ZNF146: variants seen among roughly 807,000 people sequenced by gnomAD.
The protein encoded by ZNF146 is zinc finger protein OZF.
ZNF146 carries 9 observed loss-of-function variants against 22.2 expected under a neutral mutation model. That is an observed-to-expected ratio of 0.41 (90% CI 0.24 to 0.71). The LOEUF is 0.71. Among genes scored for constraint, ZNF146 ranks in the 30% least tolerant of loss-of-function variants. The probability of loss-of-function intolerance (pLI) is 0.34; values close to 1 mark genes in which losing one functional copy is unlikely to be tolerated. For missense variants in ZNF146, 194 were observed against 344.8 expected (o/e 0.56, Z 3.46); for synonymous variants, 108 against 119.2 (o/e 0.91, Z 0.61).
intron 3 of ZNF146, among the ~76,000 whole-genome samples, chr19:36,230,172 G>A (rs1977265480): frequency 6.6e-6 from 1 of 152,110 alleles, no homozygotes; most frequent in South Asian, 2.1e-4. Context: ...TGGAATACAG[G>A]GTCAAAGTTA....
intron 3 of ZNF146, among the ~76,000 whole-genome samples, chr19:36,232,422 A>G (rs147508075): frequency 6.6e-6 from 1 of 152,150 alleles, no homozygotes; most frequent in Non-Finnish European, 1.5e-5. Flanking sequence ...GGAACTTACA[A>G]GTTCTCAGCA....
At chr19:36,229,043 A>G (rs1977204160) in intron 3 of ZNF146, among the ~76,000 whole-genome samples, 1 of 152,110 alleles carries the variant, frequency 6.6e-6, no homozygotes, top group South Asian at 2.1e-4. Flanking sequence ...TGCTGTTCTG[A>G]TGTCAGCCTT....
chr19:36,222,235 T>C (rs1310016251), intron 2 of ZNF146, among the ~76,000 whole-genome samples: 2 of 152,168 alleles, frequency 1.3e-5, no homozygotes, highest in East Asian at 3.8e-4. Context: ...AGGTGTTCCT[T>C]CTTAATCATA....
At chr19:36,217,851 C>T (rs1976674558) in intron 1 of ZNF146, among the ~76,000 whole-genome samples, 1 of 150,852 alleles carries the variant, frequency 6.6e-6, no homozygotes, top group Admixed American at 6.6e-5. Flanking sequence ...CGCCATTGCA[C>T]TCCAACCTGG....
Position 36,237,536 on chromosome 19 carries a change from T to G in ZNF146, c.*217T>G. ...ACAGAGAAACCTGCAGCAGAGATAA[T>G]GGTGAAAGTTTAGGCACATTTTCAC... On this transcript the variant is annotated 3_prime_UTR_variant, in exon 4 of 4. Transcript: ENST00000443387. The G allele has an allele frequency of 2.4e-6, 1 of 421,714 alleles. No individual in the cohort carries two copies. Among genetic ancestry groups the G allele is most frequent in the Non-Finnish European group, 4.1e-6 (1 of 241,726 alleles). The allele number at this position is 421,714 out of a possible 1,614,324, so 26.1% of individuals were successfully genotyped here.
Position 36,238,439 on chromosome 19 carries a change from T to G in ZNF146, c.*1120T>G, listed in dbSNP as rs1412187141. 1 of 167,112 alleles carries G rather than the reference T, an allele frequency of 6.0e-6. No homozygotes were observed. The highest frequency in any genetic ancestry group is 1.5e-5 in the Non-Finnish European group (1 of 68,124). 10.4% of individuals were successfully genotyped at this position (167,112 alleles called of 1,614,324 possible). On this transcript the variant is annotated 3_prime_UTR_variant, in exon 4 of 4. Coordinates refer to ENST00000443387, the MANE Select transcript of ZNF146 (RefSeq NM_007145.3). ...GGGATGGGTATTGGTTAAAGGGGAC[T>G]TCAGCTTTTTATATAAACATCCACT...
chr19:36,235,077 T>C (rs903447353), intron 3 of ZNF146, among the ~76,000 whole-genome samples: 1 of 152,034 alleles, frequency 6.6e-6, no homozygotes, highest in Non-Finnish European at 1.5e-5. Context: ...GGTATGGTGG[T>C]GCACACCTGT....
Position 36,236,541 on chromosome 19 carries a change from A to G in ZNF146, c.101A>G (p.His34Arg). 6.2e-7 allele frequency: 1 copy of G among 1,614,228 alleles called. No homozygotes were observed. Among genetic ancestry groups the G allele is most frequent in the Non-Finnish European group, 8.5e-7 (1 of 1,180,022 alleles). ...VFSHKSNLTE[H>R]EHFHTREKPF... The stretch of plus-strand genomic sequence containing the variant: ...AGCCACAAATCAAACCTCACTGAGC[A>G]TGAGCATTTTCACACGAGAGAGAAA... Residue 34 changes from histidine to arginine, a missense_variant, in exon 4 of 4, where the codon CAT (histidine) becomes CGT (arginine). Physicochemically the swap from His to Arg is conservative, Grantham distance 29. This residue lies in a region of ZNF146 where 47 missense variants were observed against 44.7 expected (regional missense o/e 1.05). Transcript: ENST00000443387.
chr19:36,238,508 G>A lies in ZNF146; in HGVS notation c.*1189G>A, dbSNP rs1977729093. 1 of 166,954 alleles carries A rather than the reference G, an allele frequency of 6.0e-6. No individual in the cohort carries two copies. Among genetic ancestry groups the A allele is most frequent in the South Asian group, 2.1e-4 (1 of 4,826 alleles). The allele number at this position is 166,954 out of a possible 1,614,324, so 10.3% of individuals were successfully genotyped here. A position where few individuals can be genotyped will look rare whatever the true frequency, so the allele number is the denominator to read the frequency against. Reference sequence around the variant, plus strand: ...AAGTAAATATAAGAAGATACTGATTGATTCTGGATTGTGGTATAGGGATAT... The same window carrying A: ...AAGTAAATATAAGAAGATACTGATTAATTCTGGATTGTGGTATAGGGATAT... On this transcript the variant is annotated 3_prime_UTR_variant, in exon 4 of 4. Transcript: ENST00000443387.
intron 2 of ZNF146, among the ~76,000 whole-genome samples, chr19:36,222,173 C>G (rs1344088170): frequency 6.6e-6 from 1 of 152,182 alleles, no homozygotes. Context: ...GTCCTCCTCT[C>G]TTGGCTTCCC....
intron 2 of ZNF146, among the ~76,000 whole-genome samples, chr19:36,225,349 T>C (rs1478417842): frequency 2.0e-5 from 3 of 152,244 alleles, no homozygotes; most frequent in African/African-American, 7.2e-5. Flanking sequence ...CCTATTCTTC[T>C]GTTTTCTGTC....
At chr19:36,223,782 T>C (rs1333787722) in intron 2 of ZNF146, among the ~76,000 whole-genome samples, 1 of 151,890 alleles carries the variant, frequency 6.6e-6, no homozygotes, top group East Asian at 1.9e-4. Flanking sequence ...GATCTTGATC[T>C]GTCACCCAGG....
At chr19:36,233,011 T>A (rs1599990793) in intron 3 of ZNF146, among the ~76,000 whole-genome samples, 1 of 152,252 alleles carries the variant, frequency 6.6e-6, no homozygotes, top group East Asian at 1.9e-4. Flanking sequence ...TGTATGTCCG[T>A]ATCCATGTGT....
intron 2 of ZNF146, among the ~76,000 whole-genome samples, chr19:36,224,882 T>C (rs2145419076): frequency 6.6e-6 from 1 of 152,310 alleles, no homozygotes; most frequent in African/African-American, 2.4e-5. Flanking sequence ...CTAAGTTTAT[T>C]TCTGGATGTT....
At chr19:36,222,778 CTTTT>C (rs55668684) in intron 2 of ZNF146, among the ~76,000 whole-genome samples, 1,067 of 100,874 alleles carry the variant, frequency 0.011, 17 homozygotes, top group African/African-American at 0.032. Flanking sequence ...TGAGTGGTGG[CTTTT>C]TTTTTTTTTT....
intron 2 of ZNF146, among the ~76,000 whole-genome samples, chr19:36,225,798 T>TC: frequency 7.2e-6 from 1 of 138,604 alleles, no homozygotes; most frequent in Non-Finnish European, 1.5e-5. Flanking sequence ...TCTTGCTTTG[T>TC]CACCCAGGCT....
At chr19:36,232,851 T>A (rs148802017) in intron 3 of ZNF146, among the ~76,000 whole-genome samples, 1 of 152,268 alleles carries the variant, frequency 6.6e-6, no homozygotes, top group Non-Finnish European at 1.5e-5. Flanking sequence ...CCCACAGTGC[T>A]GGGATTACAG....
intron 2 of ZNF146, among the ~76,000 whole-genome samples, chr19:36,222,078 C>G (rs941939060): frequency 2.0e-5 from 3 of 151,086 alleles, no homozygotes; most frequent in African/African-American, 7.2e-5. Flanking sequence ...CACAGGCACA[C>G]TCCACCACAC....
intron 2 of ZNF146, among the ~76,000 whole-genome samples, chr19:36,222,330 G>A (rs764623602): frequency 2.6e-5 from 4 of 152,246 alleles, no homozygotes; most frequent in East Asian, 1.9e-4. Context: ...AGTTAATCCC[G>A]TTGTTGAGCA....
Sources: gnomAD v4.1 joint callset for allele counts (sites outside exome capture counted in the v4.1 genomes callset) on GRCh38, gnomAD v4.1.1 for gene constraint, gnomAD v4.1.1 regional missense constraint, MANE v1.5 for transcripts, NCBI Gene and HGNC (gene_info 2026-07-23, HGNC 2026-07-21) for gene names.